The following COL18A1 variants were observed in gnomAD, a reference collection of about 807,000 sequenced individuals.
COL18A1 encodes collagen alpha-1(XVIII) chain.
In COL18A1, 133 loss-of-function variants were observed where a neutral mutation model predicts 168.0. That is an observed-to-expected ratio of 0.79 (90% CI 0.69 to 0.91). The LOEUF (loss-of-function observed/expected upper bound fraction) is 0.91. Ranked by LOEUF, COL18A1 falls within the 40% of genes least tolerant of loss-of-function variation. The pLI, the probability that COL18A1 is intolerant of heterozygous loss-of-function variation, is 0.00. For synonymous variants in COL18A1, 949 were observed against 809.0 expected (o/e 1.17, Z -2.94); for missense variants, 2,126 against 1,925.4 (o/e 1.10, Z -1.95).
chr21:45,436,868 G>T (rs952043292), intron 2 of COL18A1, among the ~76,000 whole-genome samples: 6 of 149,338 alleles, frequency 4.0e-5, no homozygotes, highest in African/African-American at 9.9e-5. Context: ...CTGGGGAGTT[G>T]CTGGCTGGGG....
At chr21:45,494,940 G>A (rs1011223265) in intron 28 of COL18A1, 25 bp downstream of exon 28, 10 of 1,603,870 alleles carry the variant, frequency 6.2e-6, no homozygotes, top group Admixed American at 1.7e-5. Flanking sequence ...TCTCCAGTGG[G>A]GGCGGCAGAT....
chr21:45,482,612 A>G (rs1272176278), intron 14 of COL18A1, among the ~76,000 whole-genome samples, 183 bp from the exon 15 acceptor site: 1 of 152,168 alleles, frequency 6.6e-6, no homozygotes, highest in Non-Finnish European at 1.5e-5. Flanking sequence ...CTTCCCTTTC[A>G]GGACCCCAAC....
At chr21:45,442,946 CAGCGGTGCTGATGTGGGT>C (rs2034415788) in intron 2 of COL18A1, among the ~76,000 whole-genome samples, 1 of 127,762 alleles carries the variant, frequency 7.8e-6, no homozygotes, top group African/African-American at 3.5e-5. Context: ...CTGGTGTGGG[CAGCGGTGCTGATGTGGGT>C]GGTGGTGCTG....
intron 2 of COL18A1, among the ~76,000 whole-genome samples, chr21:45,426,857 G>A (rs2145774006): frequency 6.6e-6 from 1 of 152,336 alleles, no homozygotes; most frequent in African/African-American, 2.4e-5. Flanking sequence ...CCATGCTGCT[G>A]GGACTGATGC....
Position 45,432,122 on chromosome 21 carries a change from G to A in COL18A1, c.106+26649G>A, listed in dbSNP as rs2033980246. On this transcript the variant is annotated intron_variant, in intron 2 of 41. Coordinates refer to ENST00000651438, the MANE Select transcript of COL18A1 (RefSeq NM_001379500.1). ...CACTTTAGAGCAGACACAGGTTGGA[G>A]ATAAGGAAAGTTCCAGAGCACAGAC... Among the ~76,000 whole-genome samples the A allele has an allele frequency of 2.6e-5, 4 of 152,330 alleles. No individual in the cohort carries two copies. The South Asian group carries it at 8.3e-4, about 32-fold the overall frequency.
At chr21:45,497,733 G>T in intron 32 of COL18A1, 72 bp downstream of exon 32, 1 of 1,542,990 alleles carries the variant, frequency 6.5e-7, no homozygotes, top group East Asian at 2.4e-5. Flanking sequence ...CACACCTAGA[G>T]CCGCCACCAC....
chr21:45,478,025 G>C (rs192912880), intron 8 of COL18A1, 60 bp downstream of exon 8: 23 of 962,468 alleles, frequency 2.4e-5, no homozygotes, highest in African/African-American at 2.3e-4. Flanking sequence ...TTGGGTAGGA[G>C]GGGGAGAGGC....
intron 22 of COL18A1, among the ~76,000 whole-genome samples, chr21:45,491,724 C>T (rs146537194): frequency 7.2e-4 from 109 of 152,334 alleles, no homozygotes; most frequent in African/African-American, 2.3e-3. Context: ...CACTGCGGCC[C>T]GTCCATCAGG....
chr21:45,481,930 C>A, intron 13 of COL18A1, 33 bp from the exon 14 acceptor site: 1 of 1,521,292 alleles, frequency 6.6e-7, no homozygotes, highest in Non-Finnish European at 9.1e-7. Flanking sequence ...GGCCGAATGC[C>A]ATCAAGACCC....
chr21:45,495,289 G>A, intron 28 of COL18A1, 69 bp from the exon 29 acceptor site: 2 of 1,350,300 alleles, frequency 1.5e-6, no homozygotes, highest in Non-Finnish European at 2.1e-6. Context: ...CTAACGGCAG[G>A]CACCCTGCGG....
In COL18A1 at chr21:45,405,289, TGCGGGGGTC is replaced by T. The variant is rs901079525; in HGVS notation, c.11+64_12-66del. The T allele has an allele frequency of 2.4e-5, 17 of 714,204 alleles. No individual in the cohort carries two copies. The East Asian group carries it at 4.1e-4, about 17-fold the overall frequency. 44.2% of individuals were successfully genotyped at this position (714,204 alleles called of 1,614,324 possible). Reference sequence around the variant, plus strand: ...GGGTTGGGGGACGCCAAGATGCGGCTGCGGGGGTCGCGGGGGTCGCGGGGCTCGGCCGGG... The same window carrying T: ...GGGTTGGGGGACGCCAAGATGCGGCTGCGGGGGTCGCGGGGCTCGGCCGGG... On this transcript the variant is annotated intron_variant, in intron 1 of 41. Coordinates refer to ENST00000651438, the MANE Select transcript of COL18A1 (RefSeq NM_001379500.1).
intron 2 of COL18A1, among the ~76,000 whole-genome samples, chr21:45,461,441 G>A (rs114340452): frequency 0.011 from 1,622 of 151,356 alleles, 26 homozygotes; most frequent in African/African-American, 0.037. Context: ...CATGGGCACC[G>A]TCCATCCGGC....
rs1279535619 is a variant in COL18A1 at position 45,478,333 on chromosome 21, C to G, written c.1228C>G (p.Pro410Ala). The G allele has an allele frequency of 1.2e-6, 2 of 1,613,918 alleles. No homozygotes were observed. The highest frequency in any genetic ancestry group is 1.1e-5 in the South Asian group (1 of 91,076). The change falls in exon 9 of 42, where the codon CCC becomes GCC. Residue 410 changes from proline to alanine, a missense_variant. By Grantham distance (27) the Pro-to-Ala change is conservative. Coordinates refer to ENST00000651438, the MANE Select transcript of COL18A1 (RefSeq NM_001379500.1). ...TPGRDGEPGD[P>A]GEDGKPGDTG... The stretch of plus-strand genomic sequence containing the variant: ...GCTTCTCTTGCACACCCAGGGCGAC[C>G]CCGGTGAAGACGGAAAGCCGGTGAG...
chr21:45,482,189 G>A (rs1002377819), intron 14 of COL18A1, among the ~76,000 whole-genome samples, 164 bp downstream of exon 14: 1 of 152,214 alleles, frequency 6.6e-6, no homozygotes. Flanking sequence ...CCCTGACCTG[G>A]GCGGCTGGGG....
intron 13 of COL18A1, among the ~76,000 whole-genome samples, chr21:45,481,144 G>A (rs569036885): frequency 1.3e-5 from 2 of 152,182 alleles, no homozygotes; most frequent in African/African-American, 4.8e-5. Flanking sequence ...TGCACAGAGA[G>A]CGTCTCCATG....
At chr21:45,472,651 G>A (rs1182120181) in intron 3 of COL18A1, among the ~76,000 whole-genome samples, 1 of 152,104 alleles carries the variant, frequency 6.6e-6, no homozygotes, top group Non-Finnish European at 1.5e-5. Context: ...TGGACCCCAC[G>A]GTGCTGCCCC....
rs1452110458 is a variant in COL18A1, at chr21:45,505,905, T to A, written c.3155T>A (p.Ile1052Asn). Reference sequence around the variant, plus strand: ...CACGAGGTTCCCGAGGGCTGGCTCATCTTCGTGGCCGAGCAGGAGGAGCTC... The same window carrying A: ...CACGAGGTTCCCGAGGGCTGGCTCAACTTCGTGGCCGAGCAGGAGGAGCTC... ...QVHEVPEGWLIFVAEQEELYV... is the reference protein window; with the variant it reads ...QVHEVPEGWLNFVAEQEELYV... The change falls in exon 37 of 42, where the codon ATC becomes AAC. Residue 1052 changes from isoleucine (I) to asparagine (N), a missense_variant. By Grantham distance (149) the Ile-to-Asn change is moderately radical. Coordinates refer to ENST00000651438, the MANE Select transcript of COL18A1 (RefSeq NM_001379500.1). The A allele has an allele frequency of 6.2e-7, 1 of 1,612,732 alleles. No individual in the cohort carries two copies. The highest frequency in any genetic ancestry group is 1.7e-5 in the Admixed American group (1 of 59,928).
rs34964495 is a variant in COL18A1 at position 45,497,266 on chromosome 21, AG to A, written c.2620+175del. Among the ~76,000 whole-genome samples, 8,387 of 152,226 alleles carry A rather than the reference AG, an allele frequency of 0.055. 312 individuals are homozygous for A. The highest frequency in any genetic ancestry group is 0.083 in the Non-Finnish European group (5,627 of 67,988). ...CTTGGCCCTTCCTGCGGGCCCTCCC[AG>A]CACAGCCGTCCAGGACCTGACCTTG... On this transcript the variant is annotated intron_variant, in intron 31 of 41. Transcript: ENST00000651438.
At chr21:45,464,395 G>A (rs1342687988) in intron 2 of COL18A1, among the ~76,000 whole-genome samples, 1 of 152,212 alleles carries the variant, frequency 6.6e-6, no homozygotes, top group Non-Finnish European at 1.5e-5. Flanking sequence ...ATGAGAGGGT[G>A]GAACAGAGCT....
Sources: allele counts gnomAD v4.1 joint callset (sites outside exome capture counted in the v4.1 genomes callset), GRCh38; gene constraint gnomAD v4.1.1; transcripts MANE v1.5; gene names NCBI Gene and HGNC (gene_info 2026-07-23, HGNC 2026-07-21).